SUFU: variants seen among roughly 807,000 people sequenced by gnomAD.
The protein encoded by SUFU is suppressor of fused homolog.
A neutral mutation model predicts 58.9 loss-of-function variants in SUFU; 7 were observed. That is an observed-to-expected ratio of 0.12 (90% CI 0.07 to 0.22). SUFU has a LOEUF of 0.22. SUFU is among the 10% of genes least tolerant of loss of function. The pLI, the probability that SUFU is intolerant of heterozygous loss-of-function variation, is 1.00. For synonymous variants in SUFU, 232 were observed against 254.8 expected (o/e 0.91, Z 0.85); for missense variants, 451 against 641.3 (o/e 0.70, Z 3.20).
intron 2 of SUFU, among the ~76,000 whole-genome samples, chr10:102,519,684 A>C (rs898634775): frequency 6.6e-6 from 1 of 152,242 alleles, no homozygotes; most frequent in African/African-American, 2.4e-5. Flanking sequence ...TGTGCCCAGC[A>C]TCTCAGTGAT....
intron 10 of SUFU, among the ~76,000 whole-genome samples, chr10:102,621,010 T>A (rs1376833030): frequency 1.3e-5 from 2 of 152,234 alleles, no homozygotes; most frequent in East Asian, 3.8e-4. Flanking sequence ...CCAGTCCTGA[T>A]GGGAAGCCCC....
At chr10:102,512,864 C>CA (rs1454140930) in intron 2 of SUFU, among the ~76,000 whole-genome samples, 1 of 152,010 alleles carries the variant, frequency 6.6e-6, no homozygotes, top group Non-Finnish European at 1.5e-5. Context: ...AGGAGTTTGA[C>CA]ACCAGCCTGG....
rs745581137 is a variant in SUFU, at chr10:102,617,239, G to A, written c.1158-51G>A. ...AGCCTTGGCCAGGCCTGCTGTGCTT[G>A]GAACTGTTTCCAAGCCCAGCTCCTC... On this transcript the variant is annotated intron_variant, in intron 9 of 11. Coordinates refer to ENST00000369902, the MANE Select transcript of SUFU (RefSeq NM_016169.4). This position sits in a 1 kb window ranked among gnomAD's most constrained non-coding sequence, Gnocchi z 4.4. 9.9e-6 allele frequency: 16 copies of A among 1,613,632 alleles called. No homozygotes were observed. Among genetic ancestry groups the A allele is most frequent in the Non-Finnish European group, 1.4e-5 (16 of 1,179,874 alleles).
intron 8 of SUFU, among the ~76,000 whole-genome samples, chr10:102,606,603 G>C (rs1207589316): frequency 6.6e-6 from 1 of 152,138 alleles, no homozygotes; most frequent in African/African-American, 2.4e-5. Context: ...CTGTAAAAGA[G>C]GATAAAGGTG....
intron 2 of SUFU, among the ~76,000 whole-genome samples, chr10:102,542,413 G>A (rs1281275390): frequency 1.3e-5 from 2 of 149,584 alleles, no homozygotes; most frequent in Non-Finnish European, 3.0e-5. Context: ...TTACAGATGT[G>A]AGCCACTGCG....
chr10:102,593,892 C>A, intron 5 of SUFU, 101 bp from the exon 6 acceptor site: 1 of 1,470,690 alleles, frequency 6.8e-7, no homozygotes, highest in Non-Finnish European at 9.5e-7. Context: ...GAACTATTCC[C>A]CTGTGTCCTA....
In SUFU at chr10:102,550,020, G is replaced by A. The variant is rs745958724; in HGVS notation, c.368G>A (p.Arg123His). 6 of 1,614,032 alleles carry A rather than the reference G, an allele frequency of 3.7e-6. No homozygotes were observed. The highest frequency in any genetic ancestry group is 1.1e-5 in the South Asian group (1 of 91,092). Residue 123 changes from arginine to histidine, a missense_variant, in exon 3 of 12, where the codon CGT becomes CAT. Transcript: ENST00000369902. ...PSGFGFELTF[R>H]LKRETGESAP... ...GGTTTTGGCTTTGAGTTGACCTTTCGTCTGAAGAGAGAAACTGGGGAGTCT... is the reference window on the plus strand; with the variant it reads ...GGTTTTGGCTTTGAGTTGACCTTTCATCTGAAGAGAGAAACTGGGGAGTCT...
chr10:102,531,110 T>C (rs1455819361), intron 2 of SUFU, among the ~76,000 whole-genome samples: 4 of 139,434 alleles, frequency 2.9e-5, no homozygotes, highest in African/African-American at 1.1e-4. Flanking sequence ...AAAAATGTAA[T>C]CAGGTGTAGT....
chr10:102,624,272 G>A (rs4919666), intron 10 of SUFU, among the ~76,000 whole-genome samples: 22,696 of 152,166 alleles, frequency 0.15, 2,192 homozygotes, highest in East Asian at 0.41. Flanking sequence ...CTGTTACTCG[G>A]GAGAGCTCCC....
intron 10 of SUFU, 49 bp from the exon 11 acceptor site, chr10:102,627,126 G>C: frequency 1.2e-6 from 2 of 1,602,218 alleles, no homozygotes; most frequent in South Asian, 1.1e-5. Flanking sequence ...TTGGCAAAAA[G>C]ATCATACATT....
intron 2 of SUFU, among the ~76,000 whole-genome samples, chr10:102,522,327 A>G (rs2062560361): frequency 6.6e-6 from 1 of 152,200 alleles, no homozygotes; most frequent in African/African-American, 2.4e-5. Context: ...AAATGGTGGT[A>G]GCTGTCCTGA....
At chr10:102,551,950 C>CTCCTGACCTCGTGA (rs1191886032) in intron 3 of SUFU, among the ~76,000 whole-genome samples, 1 of 151,710 alleles carries the variant, frequency 6.6e-6, no homozygotes, top group Non-Finnish European at 1.5e-5. Flanking sequence ...CGGTCTCGAT[C>CTCCTGACCTCGTGA]TCCTGACCTC....
intron 3 of SUFU, chr10:102,579,719 T>G (rs1204174904): frequency 2.0e-6 from 1 of 511,788 alleles, no homozygotes; most frequent in African/African-American, 2.1e-5. Context: ...GGACTGCGTA[T>G]TCATTTCCCG....
chr10:102,558,565 G>T (rs10786682), intron 3 of SUFU, among the ~76,000 whole-genome samples: 68,534 of 151,956 alleles, frequency 0.45, 15,857 homozygotes, highest in East Asian at 0.67. Context: ...ACACAGATTA[G>T]TTCTGTCTGG....
chr10:102,594,156 C>A, intron 6 of SUFU, 91 bp downstream of exon 6: 1 of 1,306,310 alleles, frequency 7.7e-7, no homozygotes, highest in South Asian at 1.2e-5. Flanking sequence ...AACAGAGGAC[C>A]TTTATGTGTG....
chr10:102,589,432 T>TTCTG (rs2063371068), intron 3 of SUFU, among the ~76,000 whole-genome samples: 3 of 108,240 alleles, frequency 2.8e-5, no homozygotes, highest in African/African-American at 3.7e-5. Context: ...TGGAAGTATT[T>TTCTG]TCTTTCTTTC....
rs1437387784 is a variant in SUFU at position 102,504,144 on chromosome 10, C to T, written c.-9C>T. The T allele has an allele frequency of 2.6e-6, 4 of 1,540,120 alleles. No individual in the cohort carries two copies. Among genetic ancestry groups the T allele is most frequent in the South Asian group, 1.2e-5 (1 of 83,720 alleles). On this transcript the variant is annotated 5_prime_UTR_variant, in exon 1 of 12. In the 5' UTR this introduces an upstream ATG that the reference lacks. Transcript: ENST00000369902. ...TCCAGTTCCCCCAGTGCCTGCCCTACGCACCCCGATGGCGGAGCTGCGGCC... is the reference window on the plus strand; with the variant it reads ...TCCAGTTCCCCCAGTGCCTGCCCTATGCACCCCGATGGCGGAGCTGCGGCC...
At chr10:102,550,276 A>T (rs1347990094) in intron 3 of SUFU, among the ~76,000 whole-genome samples, 170 bp downstream of exon 3, 3 of 151,938 alleles carry the variant, frequency 2.0e-5, no homozygotes, top group African/African-American at 4.8e-5. Flanking sequence ...TGGTTGGAAA[A>T]CCAACTGGGC....
Position 102,632,240 on chromosome 10 carries a change from T to G in SUFU, c.*2085T>G, listed in dbSNP as rs1940809340. 2 of 233,202 alleles carry G rather than the reference T, an allele frequency of 8.6e-6. No homozygotes were observed. Among genetic ancestry groups the G allele is most frequent in the African/African-American group, 4.4e-5 (2 of 45,326 alleles). The allele number at this position is 233,202 out of a possible 1,614,324, so 14.4% of individuals were successfully genotyped here. A position where few individuals can be genotyped will look rare whatever the true frequency, so the allele number is the denominator to read the frequency against. On this transcript the variant is annotated 3_prime_UTR_variant, in exon 12 of 12. Transcript: ENST00000369902. The stretch of plus-strand genomic sequence containing the variant: ...CCTGGTCAGCAACCTGCCCCAGACC[T>G]GGAGGGTCTTTGTGGACTGAAGGTA...
Sources: gnomAD v4.1 joint callset for allele counts (sites outside exome capture counted in the v4.1 genomes callset) on GRCh38, gnomAD v4.1.1 for gene constraint, Gnocchi (gnomAD v3.1) non-coding constraint, MANE v1.5 for transcripts, NCBI Gene and HGNC (gene_info 2026-07-23, HGNC 2026-07-21) for gene names.